Variants in SVOPL observed in about 807,000 individuals in gnomAD.
SVOPL encodes the protein SVOP like.
A neutral mutation model predicts 61.0 loss-of-function variants in SVOPL; 60 were observed. That is an observed-to-expected ratio of 0.98 (90% CI 0.80 to 1.22). The LOEUF (loss-of-function observed/expected upper bound fraction) is 1.22. SVOPL is among the 50% of genes most tolerant of loss of function. SVOPL has a pLI of 0.00. For synonymous variants in SVOPL, 279 were observed against 250.0 expected, an observed-to-expected ratio of 1.12 and a Z score of -1.09; for missense variants, 662 against 643.9, an observed-to-expected ratio of 1.03 and a Z score of -0.30.
At chr7:138,657,007 A>G (rs999795323) in intron 6 of SVOPL, among the ~76,000 whole-genome samples, 21 of 151,354 alleles carry the variant, frequency 1.4e-4, no homozygotes, top group African/African-American at 4.9e-4. Flanking sequence ...GTGCCATTGC[A>G]CTCCAGCAAC....
intron 9 of SVOPL, among the ~76,000 whole-genome samples, chr7:138,639,747 A>G (rs1800689036): frequency 6.6e-6 from 1 of 152,120 alleles, no homozygotes; most frequent in Non-Finnish European, 1.5e-5. Flanking sequence ...GGGCTACTAA[A>G]ATACAGGGTC....
At chr7:138,656,350 G>T in intron 7 of SVOPL, 98 bp downstream of exon 7, 1 of 1,207,992 alleles carries the variant, frequency 8.3e-7, no homozygotes, top group Non-Finnish European at 1.2e-6. Flanking sequence ...TAATTGCAGC[G>T]AGCTGGTACC....
At chr7:138,650,072 T>C (rs572254838) in intron 7 of SVOPL, among the ~76,000 whole-genome samples, 1 of 152,128 alleles carries the variant, frequency 6.6e-6, no homozygotes, top group African/African-American at 2.4e-5. Context: ...TCTCGTGATC[T>C]GCCCACCTTG....
In SVOPL at chr7:138,626,010, C is replaced by T; in HGVS notation, c.1222G>A (p.Val408Ile). Residue 408 changes from valine (V) to isoleucine (I), a missense_variant, in exon 13 of 16, where the codon GTA becomes ATA. Coordinates refer to ENST00000674285, the MANE Select transcript of SVOPL (RefSeq NM_001139456.2). ...TAGACGGTGTTGAAGTTTGCAGCTA[C>T]CAGAGCCCTCAGCATGAAGAGGAAG... ...IGFLFMLRAL[V>I]AANFNTVYIY... 1 of 1,614,120 alleles carries T rather than the reference C, an allele frequency of 6.2e-7. No homozygotes were observed. The highest frequency in any genetic ancestry group is 8.5e-7 in the Non-Finnish European group (1 of 1,180,030).
intron 9 of SVOPL, among the ~76,000 whole-genome samples, chr7:138,641,831 TATAAC>T (rs371627250): frequency 5.1e-4 from 34 of 66,860 alleles, no homozygotes; most frequent in Non-Finnish European, 8.0e-4. Context: ...TATATATATA[TATAAC>T]ATATATATAT....
At chr7:138,678,835 G>T in intron 2 of SVOPL, 129 bp downstream of exon 2, 1 of 942,876 alleles carries the variant, frequency 1.1e-6, no homozygotes, top group Non-Finnish European at 1.6e-6. Flanking sequence ...CTCCCAAAGT[G>T]ATGGGATTAC....
chr7:138,648,533 CAAAAAAAAAAA>C (rs61171485), intron 8 of SVOPL, among the ~76,000 whole-genome samples: 55 of 73,796 alleles, frequency 7.5e-4, no homozygotes, highest in Admixed American at 6.4e-3. Context: ...ACTAAAAATC[CAAAAAAAAAAA>C]AAAAAAAAAA....
intron 9 of SVOPL, among the ~76,000 whole-genome samples, chr7:138,631,630 G>A (rs57353250): frequency 0.052 from 7,843 of 152,072 alleles, 667 homozygotes; most frequent in African/African-American, 0.18. Context: ...GTGCAATGGC[G>A]TGATCTTGGC....
intron 9 of SVOPL, among the ~76,000 whole-genome samples, chr7:138,644,062 A>C (rs73460905): frequency 6.6e-6 from 1 of 151,826 alleles, no homozygotes; most frequent in Admixed American, 6.6e-5. Flanking sequence ...ATAGCTGGGC[A>C]TAGTGGCGGG....
intron 1 of SVOPL, among the ~76,000 whole-genome samples, chr7:138,687,290 C>T (rs965750930): frequency 9.7e-5 from 12 of 123,826 alleles, no homozygotes; most frequent in Non-Finnish European, 3.1e-5. Context: ...GGCTGGAGTG[C>T]AATGGCGTGA....
intron 14 of SVOPL, among the ~76,000 whole-genome samples, chr7:138,612,809 C>T (rs1248331201): frequency 6.6e-6 from 1 of 152,010 alleles, no homozygotes; most frequent in Admixed American, 6.6e-5. Context: ...GCCACCGCGC[C>T]TGGCCAGAAA....
chr7:138,696,197 T>C (rs1379538195), intron 1 of SVOPL, among the ~76,000 whole-genome samples: 1 of 152,164 alleles, frequency 6.6e-6, no homozygotes, highest in African/African-American at 2.4e-5. Flanking sequence ...TTGCCCACAG[T>C]GCTCCCTATG....
At chr7:138,597,178 T>C (rs919566707) in intron 14 of SVOPL, 2 of 1,288,686 alleles carry the variant, frequency 1.6e-6, no homozygotes, top group Non-Finnish European at 2.0e-6. Flanking sequence ...TCTTGGTCTG[T>C]GTTCTTGATA....
intron 13 of SVOPL, among the ~76,000 whole-genome samples, chr7:138,622,254 GT>G (rs1799689838): frequency 1.9e-5 from 1 of 52,896 alleles, no homozygotes; most frequent in Non-Finnish European, 4.2e-5. Context: ...ATCTATCTAT[GT>G]ATCTATCTAT....
intron 8 of SVOPL, 136 bp from the exon 9 acceptor site, chr7:138,644,981 G>A: frequency 8.9e-7 from 1 of 1,121,860 alleles, no homozygotes. Context: ...GGCATGCAAT[G>A]TAGCAGGTAT....
rs568316310 is a variant in SVOPL at position 138,678,633 on chromosome 7, G to A, written c.83-108C>T. On this transcript the variant is annotated intron_variant, in intron 2 of 15. Coordinates refer to ENST00000674285, the MANE Select transcript of SVOPL (RefSeq NM_001139456.2). The stretch of plus-strand genomic sequence containing the variant: ...CATTATTATAAAAACAAGTTAATAC[G>A]GGGGGTCAGTGGTAGGCAACCTCTG... The A allele has an allele frequency of 7.6e-5, 84 of 1,102,490 alleles. 1 individual carries two copies. In the East Asian group the frequency reaches 8.3e-4, roughly 11 times the overall value. 68.3% of individuals were successfully genotyped at this position (1,102,490 alleles called of 1,614,324 possible). A position where few individuals can be genotyped will look rare whatever the true frequency, so the allele number is the denominator to read the frequency against.
intron 14 of SVOPL, among the ~76,000 whole-genome samples, chr7:138,610,547 T>C (rs1798954592): frequency 6.6e-6 from 1 of 152,198 alleles, no homozygotes; most frequent in Non-Finnish European, 1.5e-5. Context: ...AATCACGTGG[T>C]CAAAATTGCC....
At chr7:138,662,340 G>A (rs1802036188) in intron 5 of SVOPL, 3 of 985,366 alleles carry the variant, frequency 3.0e-6, no homozygotes, top group Non-Finnish European at 3.6e-6. Flanking sequence ...TTCATTTGTG[G>A]CCAGTTCCTG....
chr7:138,684,602 G>A (rs905210973), intron 1 of SVOPL, among the ~76,000 whole-genome samples: 1 of 152,172 alleles, frequency 6.6e-6, no homozygotes, highest in African/African-American at 2.4e-5. Flanking sequence ...ATTATCAAAA[G>A]GTCAAGAGAG....
Sources: allele counts gnomAD v4.1 joint callset (sites outside exome capture counted in the v4.1 genomes callset), GRCh38; gene constraint gnomAD v4.1.1; transcripts MANE v1.5; gene names NCBI Gene and HGNC (gene_info 2026-07-23, HGNC 2026-07-21).